The following MTUS2 variants were observed in gnomAD, a reference collection of about 807,000 sequenced individuals.
MTUS2 encodes microtubule associated scaffold protein 2, also known as microtubule-associated tumor suppressor candidate 2.
A neutral mutation model predicts 114.1 loss-of-function variants in MTUS2; 40 were observed. The observed-to-expected ratio is 0.35, with a 90% CI of 0.27 to 0.46. The LOEUF (loss-of-function observed/expected upper bound fraction) is 0.46, where lower values mean the gene tolerates loss of function less well. Ranked by LOEUF, MTUS2 falls within the 20% of genes least tolerant of loss-of-function variation. The probability of loss-of-function intolerance (pLI) is 1.00; values close to 1 mark genes in which losing one functional copy is unlikely to be tolerated. For missense variants in MTUS2, 1,679 were observed against 1,705.4 expected (o/e 0.98, Z 0.27); for synonymous variants, 688 against 672.0 (o/e 1.02, Z -0.37).
At chr13:29,447,678 G>C (rs918873799) in intron 9 of MTUS2, among the ~76,000 whole-genome samples, 1 of 150,156 alleles carries the variant, frequency 6.7e-6, no homozygotes, top group Non-Finnish European at 1.5e-5. Flanking sequence ...CATGGGTGAT[G>C]GCTCTTGTCT....
At chr13:29,158,358 C>CCCCCCCCTCTTT in intron 5 of MTUS2, among the ~76,000 whole-genome samples, 42 of 32,048 alleles carry the variant, frequency 1.3e-3, no homozygotes, top group African/African-American at 2.7e-3. Flanking sequence ...GTCCACCCCG[C>CCCCCCCCTCTTT]TTTTTTTTTT....
In MTUS2 at chr13:29,280,240, C is replaced by A. The variant is rs557074385; in HGVS notation, c.2645-1464C>A. Among the ~76,000 whole-genome samples the A allele has an allele frequency of 1.7e-3, 255 of 152,286 alleles. 1 individual carries two copies. The highest frequency in any genetic ancestry group is 5.8e-3 in the African/African-American group (243 of 41,562). On this transcript the variant is annotated intron_variant, in intron 5 of 15. Transcript: ENST00000612955. The stretch of plus-strand genomic sequence containing the variant: ...TCTGCATTATTTTTTATCTGACACC[C>A]AGGATACAGTGCAGATCCTTTCAAT...
intron 2 of MTUS2, among the ~76,000 whole-genome samples, chr13:28,885,668 A>G (rs950211660): frequency 1.1e-4 from 17 of 152,210 alleles, no homozygotes; most frequent in African/African-American, 4.1e-4. Flanking sequence ...TTTACAACAC[A>G]TGCTTGTATG....
At chr13:28,868,191 A>C (rs773973595) in intron 2 of MTUS2, among the ~76,000 whole-genome samples, 3 of 152,214 alleles carry the variant, frequency 2.0e-5, no homozygotes, top group Non-Finnish European at 4.4e-5. Context: ...ATTTTATCCT[A>C]TTCAGGTGAA....
intron 5 of MTUS2, among the ~76,000 whole-genome samples, chr13:29,226,098 A>G (rs558479043): frequency 2.6e-5 from 4 of 152,148 alleles, no homozygotes; most frequent in Non-Finnish European, 4.4e-5. Flanking sequence ...TCTCATCTTC[A>G]TCATTCCACC....
chr13:28,971,942 T>C (rs1384261565), intron 2 of MTUS2, among the ~76,000 whole-genome samples: 1 of 152,242 alleles, frequency 6.6e-6, no homozygotes, highest in East Asian at 1.9e-4. Flanking sequence ...CAAACAGCCA[T>C]GCTGGACAAT....
chr13:29,284,447 G>A (rs541364974), intron 6 of MTUS2, among the ~76,000 whole-genome samples: 4 of 151,388 alleles, frequency 2.6e-5, no homozygotes, highest in Non-Finnish European at 5.9e-5. Flanking sequence ...AGGAATAAAA[G>A]GAGAGACTAA....
At chr13:29,282,793 AT>A (rs1176168419) in intron 6 of MTUS2, among the ~76,000 whole-genome samples, 1 of 152,188 alleles carries the variant, frequency 6.6e-6, no homozygotes, top group African/African-American at 2.4e-5. Context: ...GTATTTTTAA[AT>A]GAGACTGCAT....
chr13:29,249,007 C>T (rs1340403405), intron 5 of MTUS2, among the ~76,000 whole-genome samples: 4 of 151,970 alleles, frequency 2.6e-5, no homozygotes, highest in Admixed American at 6.6e-5. Flanking sequence ...TTCTTTCTTT[C>T]GACAGAGTCT....
intron 2 of MTUS2, among the ~76,000 whole-genome samples, chr13:28,935,796 C>T (rs1329363355): frequency 6.6e-6 from 1 of 151,960 alleles, no homozygotes; most frequent in African/African-American, 2.4e-5. Context: ...TCTGGGTTGC[C>T]CGAGTGCAGT....
At chr13:29,107,560 T>C (rs931038118) in intron 5 of MTUS2, among the ~76,000 whole-genome samples, 7 of 152,226 alleles carry the variant, frequency 4.6e-5, no homozygotes, top group Admixed American at 1.3e-4. Context: ...GACTGTGGTA[T>C]ACATAGAGAT....
intron 4 of MTUS2, among the ~76,000 whole-genome samples, chr13:29,040,897 TCTGTGGGTTGTC>T (rs1418020216): frequency 6.6e-6 from 1 of 152,234 alleles, no homozygotes; most frequent in East Asian, 1.9e-4. Flanking sequence ...TTTCTCCCAC[TCTGTGGGTTGTC>T]TGTTTACTCT....
intron 6 of MTUS2, among the ~76,000 whole-genome samples, chr13:29,286,795 A>T (rs574603807): frequency 2.0e-5 from 3 of 152,204 alleles, no homozygotes; most frequent in East Asian, 3.9e-4. Context: ...GGTTCAAGTG[A>T]TTCTCCTGCC....
At chr13:29,409,642 C>G (rs1593412852) in intron 8 of MTUS2, among the ~76,000 whole-genome samples, 1 of 152,124 alleles carries the variant, frequency 6.6e-6, no homozygotes, top group East Asian at 1.9e-4. Flanking sequence ...CACCCCTATC[C>G]AAAGGAGCAG....
intron 9 of MTUS2, among the ~76,000 whole-genome samples, chr13:29,445,008 C>T (rs1369934070): frequency 6.6e-6 from 1 of 152,188 alleles, no homozygotes; most frequent in African/African-American, 2.4e-5. Context: ...AGTACATTTG[C>T]AGACACTGCC....
chr13:29,472,479 G>C (rs1880394143), intron 9 of MTUS2, among the ~76,000 whole-genome samples: 1 of 152,178 alleles, frequency 6.6e-6, no homozygotes, highest in African/African-American at 2.4e-5. Context: ...TGACCACCTT[G>C]CGGATGTTCC....
At chr13:29,451,139 A>C (rs747356388) in intron 9 of MTUS2, among the ~76,000 whole-genome samples, 1 of 152,240 alleles carries the variant, frequency 6.6e-6, no homozygotes, top group Non-Finnish European at 1.5e-5. Context: ...CAGAATACAC[A>C]TCTTTTTCAA....
In MTUS2 at chr13:29,503,120, A is replaced by G. The variant is rs533395760; in HGVS notation, c.4024A>G (p.Ile1342Val). ...CCAAACTGGGGACCCGACCAGTCCG[A>G]TTAAACTCTCGCCCACATCTCCCGT... ...KLQTGDPTSP[I>V]KLSPTSPVYR... The change falls in exon 16 of 16, where the codon ATT becomes GTT. Residue 1342 changes from isoleucine to valine, a missense_variant. This residue lies in a region of MTUS2 where 822 missense variants were observed against 899.7 expected (regional missense o/e 0.91). Transcript: ENST00000612955. 5.3e-4 allele frequency: 861 copies of G among 1,614,214 alleles called. 10 individuals are homozygous for G. In the South Asian group the frequency reaches 8.8e-3, roughly 17 times the overall value.
At chr13:29,484,048 CCA>C (rs899857752) in intron 10 of MTUS2, 1 of 152,228 alleles carries the variant, frequency 6.6e-6, no homozygotes, top group Non-Finnish European at 1.5e-5. Flanking sequence ...TGCTCCAGAG[CCA>C]CTCACTTCAG....
Sources: gnomAD v4.1 joint callset for allele counts (sites outside exome capture counted in the v4.1 genomes callset) on GRCh38, gnomAD v4.1.1 for gene constraint, gnomAD v4.1.1 regional missense constraint, MANE v1.5 for transcripts, NCBI Gene and HGNC (gene_info 2026-07-23, HGNC 2026-07-21) for gene names.